Variants in MECOM observed in about 807,000 individuals in gnomAD.
MECOM encodes the protein MDS1 and EVI1 complex locus.
MECOM carries 13 observed loss-of-function variants against 116.3 expected under a neutral mutation model. That is an observed-to-expected ratio of 0.11 (90% CI 0.07 to 0.18). The LOEUF is 0.18. Ranked by LOEUF, MECOM falls within the 10% of genes least tolerant of loss-of-function variation. MECOM has a pLI of 1.00. For synonymous variants in MECOM, 528 were observed against 535.2 expected (o/e 0.99, Z 0.19); for missense variants, 1,299 against 1,509.0 (o/e 0.86, Z 2.31).
At chr3:169,310,843 G>A (rs1001362200) in intron 2 of MECOM, among the ~76,000 whole-genome samples, 3 of 152,112 alleles carry the variant, frequency 2.0e-5, no homozygotes, top group African/African-American at 7.2e-5. Context: ...CTTCTTAAAA[G>A]GATTTTAGAC....
intron 1 of MECOM, among the ~76,000 whole-genome samples, chr3:169,489,603 G>A (rs984007934): frequency 1.3e-5 from 2 of 152,126 alleles, no homozygotes; most frequent in Non-Finnish European, 2.9e-5. Context: ...TGGGAACTTG[G>A]TATATGATGG....
At chr3:169,498,200 T>G (rs12493844) in intron 1 of MECOM, among the ~76,000 whole-genome samples, 33,024 of 140,528 alleles carry the variant, frequency 0.23, 4,288 homozygotes, top group Non-Finnish European at 0.3. Flanking sequence ...ATATCTTAAA[T>G]TAATAAAGAA....
chr3:169,594,274 G>A (rs1271706985), intron 1 of MECOM, among the ~76,000 whole-genome samples: 7 of 150,854 alleles, frequency 4.6e-5, no homozygotes, highest in Admixed American at 4.6e-4. Flanking sequence ...AAAAACAGAA[G>A]CACATGTGGC....
chr3:169,500,285 A>G (rs1275064781), intron 1 of MECOM, among the ~76,000 whole-genome samples: 2 of 152,046 alleles, frequency 1.3e-5, no homozygotes, highest in Non-Finnish European at 2.9e-5. Flanking sequence ...AGAGCAGTGG[A>G]TTAGGCAATC....
chr3:169,489,564 G>A (rs1752830675), intron 1 of MECOM, among the ~76,000 whole-genome samples: 1 of 152,140 alleles, frequency 6.6e-6, no homozygotes, highest in Non-Finnish European at 1.5e-5. Flanking sequence ...GATCAGGACA[G>A]GGACCCAAGG....
intron 1 of MECOM, among the ~76,000 whole-genome samples, chr3:169,382,973 C>T (rs1209351635): frequency 6.6e-6 from 1 of 151,476 alleles, no homozygotes; most frequent in Admixed American, 6.6e-5. Flanking sequence ...ATCCCTAACT[C>T]GTGCATCAAG....
intron 1 of MECOM, among the ~76,000 whole-genome samples, chr3:169,429,979 G>A (rs1290852964): frequency 1.3e-5 from 2 of 152,134 alleles, no homozygotes; most frequent in Admixed American, 6.5e-5. Context: ...TTGCAGAAGG[G>A]CACTTAACTC....
intron 1 of MECOM, among the ~76,000 whole-genome samples, chr3:169,468,372 C>A (rs186159245): frequency 1.1e-3 from 171 of 152,294 alleles, no homozygotes; most frequent in Non-Finnish European, 1.9e-3. Flanking sequence ...CAAACACGTA[C>A]TTAATTCTTC....
At chr3:169,586,902 A>G (rs1179457987) in intron 1 of MECOM, among the ~76,000 whole-genome samples, 3 of 152,214 alleles carry the variant, frequency 2.0e-5, no homozygotes, top group African/African-American at 7.2e-5. Context: ...TAGTGCTGGC[A>G]TATCTGTAGT....
At chr3:169,147,028 C>A in intron 2 of MECOM, 1 of 991,832 alleles carries the variant, frequency 1.0e-6, no homozygotes, top group Non-Finnish European at 1.2e-6. Flanking sequence ...CTTCTTTCGT[C>A]TGGGTGACCC....
At chr3:169,197,327 T>C (rs1013425526) in intron 2 of MECOM, among the ~76,000 whole-genome samples, 1 of 82,320 alleles carries the variant, frequency 1.2e-5, no homozygotes, top group Non-Finnish European at 2.5e-5. Context: ...TAAAAATAAA[T>C]AAATAAATAA....
intron 2 of MECOM, chr3:169,146,664 G>C (rs988030119): frequency 8.0e-5 from 107 of 1,344,184 alleles, no homozygotes; most frequent in South Asian, 7.6e-4. Context: ...ACTGTCCGAA[G>C]TGACAAACTT....
At chr3:169,550,909 C>T (rs906166060) in intron 1 of MECOM, among the ~76,000 whole-genome samples, 2 of 93,464 alleles carry the variant, frequency 2.1e-5, no homozygotes, top group South Asian at 4.6e-4. Flanking sequence ...CTGCAAGCTC[C>T]GCCTCCCGGG....
intron 2 of MECOM, among the ~76,000 whole-genome samples, chr3:169,314,270 A>C (rs1215930364): frequency 6.6e-6 from 1 of 152,202 alleles, no homozygotes. Flanking sequence ...CTTCCTCCAA[A>C]ATTGCTGCAC....
chr3:169,365,205 C>A (rs994350426), intron 2 of MECOM, among the ~76,000 whole-genome samples: 4 of 151,972 alleles, frequency 2.6e-5, no homozygotes, highest in Admixed American at 6.6e-5. Flanking sequence ...TATAGAAGAA[C>A]TATAGTCTTA....
chr3:169,414,258 GA>G (rs1454208929), intron 1 of MECOM, among the ~76,000 whole-genome samples: 9 of 152,200 alleles, frequency 5.9e-5, no homozygotes, highest in African/African-American at 1.9e-4. Context: ...GGTCTGAAGT[GA>G]ACCCCCAGCA....
At chr3:169,174,499 A>T (rs894855206) in intron 2 of MECOM, among the ~76,000 whole-genome samples, 16 of 152,214 alleles carry the variant, frequency 1.1e-4, no homozygotes, top group African/African-American at 3.6e-4. Flanking sequence ...ATCTTGAGTA[A>T]AAACCTCTTT....
chr3:169,199,961 A>T (rs370672542), intron 2 of MECOM, among the ~76,000 whole-genome samples: 5 of 152,222 alleles, frequency 3.3e-5, no homozygotes, highest in South Asian at 4.1e-4. Flanking sequence ...TTTAAGAAGC[A>T]TACAACTCTG....
intron 1 of MECOM, among the ~76,000 whole-genome samples, chr3:169,472,328 C>T (rs1050377678): frequency 6.8e-6 from 1 of 147,834 alleles, no homozygotes; most frequent in African/African-American, 2.5e-5. Context: ...AGGAGGTTCA[C>T]TTGAGCCCAG....
Sources: gnomAD v4.1 joint callset for allele counts (sites outside exome capture counted in the v4.1 genomes callset) on GRCh38, gnomAD v4.1.1 for gene constraint, MANE v1.5 for transcripts, NCBI Gene and HGNC (gene_info 2026-07-23, HGNC 2026-07-21) for gene names.